Variants in CTBP2 observed in about 807,000 individuals in gnomAD.
CTBP2 encodes the protein C-terminal binding protein 2.
Under a neutral mutation model 80.3 loss-of-function variants are expected in CTBP2, and 30 were observed. The ratio of observed to expected loss-of-function variants is 0.37; its 90% CI spans 0.28 to 0.51. CTBP2 has a LOEUF of 0.51. CTBP2 is among the 20% of genes least tolerant of loss of function. The pLI, the probability that CTBP2 is intolerant of heterozygous loss-of-function variation, is 0.93. For synonymous variants in CTBP2, 594 were observed against 587.4 expected, an observed-to-expected ratio of 1.01 and a Z score of -0.16; for missense variants, 1,212 against 1,375.3, an observed-to-expected ratio of 0.88 and a Z score of 1.88.
rs1190112423 is a variant in CTBP2, at chr10:124,986,378, GCTT to G, written c.*3137_*3139del. On this transcript the variant is annotated 3_prime_UTR_variant, in exon 9 of 9. Coordinates refer to ENST00000309035, the MANE Select transcript of CTBP2 (RefSeq NM_022802.3). ...TGTGAAAACCTTAAAGTATTTGCTT[GCTT>G]CTTGTTTTGTTTAGTTGATAATGAA... 2 of 152,164 alleles carry G rather than the reference GCTT, an allele frequency of 1.3e-5. No homozygotes were observed. The highest frequency in any genetic ancestry group is 1.9e-4 in the East Asian group (1 of 5,170). The allele number at this position is 152,164 out of a possible 1,614,324, so 9.4% of individuals were successfully genotyped here. A position where few individuals can be genotyped will look rare whatever the true frequency, so the allele number is the denominator to read the frequency against.
Position 125,058,719 on chromosome 10 carries a change from A to C in CTBP2, c.-101-19564T>G, listed in dbSNP as rs1053691021. 2.6e-5 allele frequency among the ~76,000 whole-genome samples: 4 copies of C among 151,750 alleles called. 1 individual carries two copies. The highest frequency in any genetic ancestry group is 1.3e-4 in the Admixed American group (2 of 15,236). ...AGACTAGCCCGGCCAACATGACGAA[A>C]CCCGTCTCTACTAAAAATACAAAAA... On this transcript the variant is annotated intron_variant, in intron 2 of 10. Coordinates refer to the CTBP2 transcript ENST00000337195.
upstream of CTBP2, among the ~76,000 whole-genome samples, chr10:125,161,945 G>A (rs921777279): frequency 6.6e-6 from 1 of 152,136 alleles, no homozygotes; most frequent in African/African-American, 2.4e-5. Context: ...GCCGCTCGCG[G>A]CCCAACGAGC....
At chr10:125,063,548 G>A (rs1402927913) in intron 2 of CTBP2, among the ~76,000 whole-genome samples, 1 of 152,136 alleles carries the variant, frequency 6.6e-6, no homozygotes, top group South Asian at 2.1e-4. Flanking sequence ...ACACAAAACC[G>A]AAGTAAAATG....
intron 1 of CTBP2, among the ~76,000 whole-genome samples, chr10:125,117,282 T>A (rs1266360693): frequency 2.0e-5 from 3 of 152,134 alleles, no homozygotes; most frequent in Non-Finnish European, 4.4e-5. Context: ...TGTGCAGTCC[T>A]GGGGGCTGCT....
At chr10:125,105,820 G>C (rs1851364810) in intron 2 of CTBP2, among the ~76,000 whole-genome samples, 1 of 152,182 alleles carries the variant, frequency 6.6e-6, no homozygotes, top group African/African-American at 2.4e-5. Context: ...AGCAACACTT[G>C]ATTAGTAAGC....
rs570379299 is a variant in CTBP2, at chr10:125,062,316, G to A, written c.-101-23161C>T. Among the ~76,000 whole-genome samples, 3 of 152,318 alleles carry A rather than the reference G, an allele frequency of 2.0e-5. No homozygotes were observed. In the South Asian group the frequency reaches 6.2e-4, roughly 32 times the overall value. ...AGGAAAATACACTGAACTATTTGTT[G>A]ATGTAATAGAAGCTAGGGTTTACTG... On this transcript the variant is annotated intron_variant, in intron 2 of 10. Transcript: ENST00000337195.
rs555176517 is a variant in CTBP2, at chr10:125,037,672, G to C, written c.58+1325C>G. ...GACCCTTATCTATTGCACAGGCAAA[G>C]AGACGTGGAGGAAATGCGAATATGC... On this transcript the variant is annotated intron_variant, in intron 3 of 10. Coordinates refer to the CTBP2 transcript ENST00000337195. 2.0e-5 allele frequency among the ~76,000 whole-genome samples: 3 copies of C among 152,352 alleles called. No individual in the cohort carries two copies. The East Asian group carries it at 5.8e-4, about 29-fold the overall frequency.
intron 2 of CTBP2, among the ~76,000 whole-genome samples, chr10:125,107,630 CA>C (rs1312359364): frequency 6.6e-6 from 1 of 152,260 alleles, no homozygotes; most frequent in Non-Finnish European, 1.5e-5. Flanking sequence ...GCTACAGCCA[CA>C]ACTCAGATGG....
chr10:125,006,248 A>G (rs1230053609), intron 1 of CTBP2, among the ~76,000 whole-genome samples: 1 of 150,342 alleles, frequency 6.7e-6, no homozygotes, highest in African/African-American at 2.4e-5. Context: ...AGGCGGGAAA[A>G]GAGAAAAGCC....
chr10:125,120,360 C>T (rs1590909626), intron 1 of CTBP2, among the ~76,000 whole-genome samples: 2 of 152,330 alleles, frequency 1.3e-5, no homozygotes, highest in South Asian at 4.1e-4. Flanking sequence ...TACTTACAAG[C>T]GTGACCAGCT....
At chr10:125,149,321 G>A (rs1364674850) in intron 1 of CTBP2, among the ~76,000 whole-genome samples, 1 of 152,208 alleles carries the variant, frequency 6.6e-6, no homozygotes, top group African/African-American at 2.4e-5. Flanking sequence ...AGAAAGGAGA[G>A]GGCTGGCCCA....
intron 1 of CTBP2, among the ~76,000 whole-genome samples, chr10:125,126,505 G>A (rs1196749119): frequency 2.0e-5 from 3 of 152,218 alleles, no homozygotes; most frequent in Admixed American, 6.5e-5. Flanking sequence ...ACAAACTGAC[G>A]TGTGGTACAG....
In CTBP2 at chr10:125,154,028, C is replaced by G. The variant is rs578202230; in HGVS notation, c.-206+6291G>C. Among the ~76,000 whole-genome samples the G allele has an allele frequency of 1.6e-4, 24 of 152,340 alleles. No homozygotes were observed. The South Asian group carries it at 2.3e-3, about 14-fold the overall frequency. Reference sequence around the variant, plus strand: ...TGCCACAACGTGGGCTGGAATGAGACACAGAAATATTGCCACTATTTCCAG... The same window carrying G: ...TGCCACAACGTGGGCTGGAATGAGAGACAGAAATATTGCCACTATTTCCAG... On this transcript the variant is annotated intron_variant, in intron 1 of 10. Coordinates refer to the CTBP2 transcript ENST00000337195.
upstream of CTBP2, chr10:125,032,828 AAC>A (rs553692232): frequency 2.3e-4 from 35 of 155,070 alleles, no homozygotes; most frequent in African/African-American, 8.2e-4. Context: ...CCCTCCCCAC[AAC>A]CACTTCAGCC....
At chr10:125,023,983 T>G (rs921815540) in intron 1 of CTBP2, among the ~76,000 whole-genome samples, 11 of 152,186 alleles carry the variant, frequency 7.2e-5, no homozygotes, top group African/African-American at 2.7e-4. Flanking sequence ...GCGTTCAGGC[T>G]GGCGGCGTCC....
chr10:125,138,717 A>G (rs1287980614), intron 1 of CTBP2, among the ~76,000 whole-genome samples: 2 of 152,168 alleles, frequency 1.3e-5, no homozygotes, highest in Non-Finnish European at 2.9e-5. Context: ...ATAAATGTAA[A>G]ACAAAAATGT....
intron 1 of CTBP2, among the ~76,000 whole-genome samples, chr10:125,131,073 C>A (rs572845520): frequency 2.0e-4 from 31 of 152,168 alleles, no homozygotes; most frequent in Non-Finnish European, 4.3e-4. Context: ...ACAGCAGATG[C>A]AGATGAGATG....
At chr10:125,052,347 GA>G (rs1240317693) in intron 2 of CTBP2, among the ~76,000 whole-genome samples, 14 of 152,374 alleles carry the variant, frequency 9.2e-5, no homozygotes, top group Middle Eastern at 6.8e-3. Flanking sequence ...GCAGTGGTCA[GA>G]GGGGCTGCAG....
At position 124,991,893 on chromosome 10, in the gene CTBP2, T is replaced by TGGG. The variant is rs11459870; in HGVS notation, c.2777+799_2777+801dup. Among the ~76,000 whole-genome samples, 443 of 60,456 alleles carry TGGG rather than the reference T, an allele frequency of 7.3e-3. 10 individuals carry two copies. Among genetic ancestry groups the TGGG allele is most frequent in the Non-Finnish European group, 0.011 (326 of 29,894 alleles). The allele number at this position is 60,456 out of a possible 152,430, so 39.7% of individuals were successfully genotyped here. A position where few individuals can be genotyped will look rare whatever the true frequency, so the allele number is the denominator to read the frequency against. ...GATTTTCCTGGGAAGCCAGCAATAA[T>TGGG]GGGGGGGGGGGTGTGGGAGAAAACC... On this transcript the variant is annotated intron_variant, in intron 8 of 8. Transcript: ENST00000309035.
Sources: gnomAD v4.1 joint callset for allele counts (sites outside exome capture counted in the v4.1 genomes callset) on GRCh38, gnomAD v4.1.1 for gene constraint, MANE v1.5 for transcripts, NCBI Gene and HGNC (gene_info 2026-07-23, HGNC 2026-07-21) for gene names.